Variants in DOCK2 observed in about 807,000 individuals in gnomAD.
The protein encoded by DOCK2 is dedicator of cytokinesis 2.
DOCK2 carries 87 observed loss-of-function variants against 248.9 expected under a neutral mutation model. That is an observed-to-expected ratio of 0.35 (90% confidence interval 0.29 to 0.42). DOCK2 has a LOEUF of 0.42. Among genes scored for constraint, DOCK2 ranks in the 10% least tolerant of loss-of-function variants. DOCK2 has a pLI of 1.00. For synonymous variants in DOCK2, 805 were observed against 821.6 expected, an observed-to-expected ratio of 0.98 and a Z score of 0.35; for missense variants, 1,747 against 2,300.2, an observed-to-expected ratio of 0.76 and a Z score of 4.92.
intron 9 of DOCK2, chr5:169,695,316 G>A (rs1167283442): frequency 1.2e-5 from 2 of 161,826 alleles, no homozygotes; most frequent in East Asian, 1.9e-4. Context: ...GGGGTTGTTA[G>A]CACTACCTCA....
chr5:169,688,335 C>CTTTA (rs1438567880), intron 8 of DOCK2, among the ~76,000 whole-genome samples: 3 of 152,194 alleles, frequency 2.0e-5, no homozygotes, highest in East Asian at 3.8e-4. Context: ...TCTTGACCAA[C>CTTTA]TTTATTTCAT....
chr5:169,773,890 C>T (rs1331105969), intron 25 of DOCK2, among the ~76,000 whole-genome samples: 1 of 152,130 alleles, frequency 6.6e-6, no homozygotes, highest in Admixed American at 6.5e-5. Flanking sequence ...GGGGAAACCC[C>T]GTTCGCTTGC....
At chr5:169,719,008 T>A (rs773556707) in intron 22 of DOCK2, among the ~76,000 whole-genome samples, 1 of 152,232 alleles carries the variant, frequency 6.6e-6, no homozygotes, top group Non-Finnish European at 1.5e-5. Context: ...TGCAGAGTTA[T>A]GTTTAACCAG....
chr5:169,998,254 AAC>A (rs1754716183), intron 30 of DOCK2, among the ~76,000 whole-genome samples: 2 of 152,332 alleles, frequency 1.3e-5, no homozygotes, highest in Non-Finnish European at 2.9e-5. Context: ...AAAGACCTTG[AAC>A]ACACAACAAC....
chr5:169,873,611 T>A (rs1772121781), intron 27 of DOCK2, among the ~76,000 whole-genome samples: 2 of 152,248 alleles, frequency 1.3e-5, no homozygotes, highest in African/African-American at 4.8e-5. Context: ...GGCTCCACGC[T>A]GGGACACTGT....
chr5:169,935,636 T>G (rs577421089), intron 27 of DOCK2, among the ~76,000 whole-genome samples: 2 of 152,176 alleles, frequency 1.3e-5, no homozygotes, highest in Admixed American at 1.3e-4. Context: ...AAGGTCTTCA[T>G]AGTGAGGTGG....
chr5:169,732,678 C>A (rs1256847283), intron 22 of DOCK2, among the ~76,000 whole-genome samples: 1 of 152,126 alleles, frequency 6.6e-6, no homozygotes, highest in African/African-American at 2.4e-5. Context: ...CTCCCTGAAA[C>A]GTATCTCAAT....
At chr5:169,957,394 C>T (rs943914185) in intron 27 of DOCK2, among the ~76,000 whole-genome samples, 6 of 152,160 alleles carry the variant, frequency 3.9e-5, no homozygotes, top group African/African-American at 1.2e-4. Flanking sequence ...TTGTTTAGAA[C>T]GTAATAGGCA....
chr5:169,887,226 G>A (rs1773022585), intron 27 of DOCK2, among the ~76,000 whole-genome samples: 1 of 152,122 alleles, frequency 6.6e-6, no homozygotes, highest in South Asian at 2.1e-4. Context: ...CATTATTCTG[G>A]TGTTAGCCCT....
Position 169,796,778 on chromosome 5 carries a change from G to A in DOCK2, c.2555-6280G>A, listed in dbSNP as rs186042994. 4.4e-4 allele frequency among the ~76,000 whole-genome samples: 67 copies of A among 152,292 alleles called. 1 individual carries two copies. Among genetic ancestry groups the A allele is most frequent in the Admixed American group, 3.5e-3 (54 of 15,294 alleles). On this transcript the variant is annotated intron_variant, in intron 25 of 51. Coordinates refer to ENST00000520908, the MANE Select transcript of DOCK2 (RefSeq NM_004946.3). ...GGGAAGGAGTCAGGAGAAGATGGCT[G>A]GGACAAGAGTATTCTAGGCAAAGAA...
At chr5:170,057,889 C>T (rs1757190730) in intron 44 of DOCK2, among the ~76,000 whole-genome samples, 2 of 151,760 alleles carry the variant, frequency 1.3e-5, no homozygotes, top group Admixed American at 1.3e-4. Flanking sequence ...ATGAAACTTT[C>T]CATGGCCTCC....
intron 27 of DOCK2, among the ~76,000 whole-genome samples, chr5:169,951,137 T>C (rs539853586): frequency 6.6e-6 from 1 of 152,276 alleles, no homozygotes; most frequent in Non-Finnish European, 1.5e-5. Context: ...CCCTGGCTGC[T>C]CTGTCATTCT....
intron 30 of DOCK2, among the ~76,000 whole-genome samples, chr5:170,008,266 C>G (rs948966205): frequency 1.3e-5 from 2 of 151,880 alleles, no homozygotes; most frequent in Non-Finnish European, 2.9e-5. Context: ...CTCCCAAATC[C>G]TGTTGTCTGA....
intron 27 of DOCK2, among the ~76,000 whole-genome samples, chr5:169,950,073 T>A (rs2113723275): frequency 6.6e-6 from 1 of 152,308 alleles, no homozygotes; most frequent in Middle Eastern, 3.4e-3. Flanking sequence ...TTCTGAAGCA[T>A]GTTCAAGCCC....
At chr5:169,674,199 G>A in intron 5 of DOCK2, 98 bp from the exon 6 acceptor site, 2 of 1,465,418 alleles carry the variant, frequency 1.4e-6, no homozygotes, top group Non-Finnish European at 1.9e-6. Flanking sequence ...CTCAGGCCAT[G>A]GCCCTTGACC....
intron 27 of DOCK2, among the ~76,000 whole-genome samples, chr5:169,901,814 CT>C (rs1349932263): frequency 2.0e-5 from 3 of 152,188 alleles, no homozygotes; most frequent in African/African-American, 7.2e-5. Flanking sequence ...TTTCTGGACC[CT>C]CAGCCATGTG....
chr5:169,848,083 G>T (rs2113361981), intron 27 of DOCK2, among the ~76,000 whole-genome samples: 1 of 152,280 alleles, frequency 6.6e-6, no homozygotes, highest in Admixed American at 6.5e-5. Context: ...GATACTCCAT[G>T]ATTTTATGTG....
chr5:170,052,131 G>A (rs906242304), intron 41 of DOCK2, among the ~76,000 whole-genome samples: 2 of 152,126 alleles, frequency 1.3e-5, no homozygotes, highest in Non-Finnish European at 2.9e-5. Flanking sequence ...TTGACAGGTC[G>A]CAAGTCTGGT....
In DOCK2 at chr5:169,983,186, G is replaced by C; in HGVS notation, c.2898+20G>C. On this transcript the variant is annotated intron_variant, in intron 28 of 51. Transcript: ENST00000520908. ...CTTGTGGTGAGTCTGCAGGATGCTGGGGGTGAGGAAGAACTCTTCCATCTC... is the reference window on the plus strand; with the variant it reads ...CTTGTGGTGAGTCTGCAGGATGCTGCGGGTGAGGAAGAACTCTTCCATCTC... 6.2e-7 allele frequency: 1 copy of C among 1,613,180 alleles called. No individual in the cohort carries two copies. The highest frequency in any genetic ancestry group is 8.5e-7 in the Non-Finnish European group (1 of 1,179,192).
Sources: gnomAD v4.1 joint callset for allele counts (sites outside exome capture counted in the v4.1 genomes callset) on GRCh38, gnomAD v4.1.1 for gene constraint, MANE v1.5 for transcripts, NCBI Gene and HGNC (gene_info 2026-07-23, HGNC 2026-07-21) for gene names.